TAF1B: variants seen among roughly 807,000 people sequenced by gnomAD.
TAF1B encodes the protein TATA box-binding protein-associated factor RNA polymerase I subunit B.
In TAF1B, 61 loss-of-function variants were observed where a neutral mutation model predicts 83.9. The ratio of observed to expected loss-of-function variants is 0.73; its 90% CI spans 0.59 to 0.90. The LOEUF (loss-of-function observed/expected upper bound fraction) is 0.90. TAF1B is among the 40% of genes least tolerant of loss of function. The pLI, the probability that TAF1B is intolerant of heterozygous loss-of-function variation, is 0.00. For synonymous variants in TAF1B, 221 were observed against 224.6 expected (o/e 0.98, Z 0.14); for missense variants, 625 against 677.0 (o/e 0.92, Z 0.85).
rs202101694 is a variant in TAF1B at position 9,913,163 on chromosome 2, G to A, written c.1185G>A (p.Lys395=). The A allele has an allele frequency of 1.6e-5, 26 of 1,605,414 alleles. No individual in the cohort carries two copies. The East Asian group carries it at 4.2e-4, about 26-fold the overall frequency. ...CTTGGATTTTATTTCTTTCAGATAA[G>A]CCATGGTTTGATTTCAGAAAGTGGT... ...EKHNEKNKKD[K]PWFDFRKWYQ... is the part of the protein sequence containing the mutation. Residue 395 remains lysine, a synonymous_variant, in exon 12 of 15, where the codon AAG becomes AAA. Transcript: ENST00000263663.
intron 2 of TAF1B, among the ~76,000 whole-genome samples, chr2:9,846,666 C>T (rs1043700725): frequency 1.3e-5 from 2 of 152,214 alleles, no homozygotes; most frequent in African/African-American, 4.8e-5. Context: ...AGGTGTGTCA[C>T]ACAAGTGCTT....
chr2:9,884,886 C>G (rs956538663), intron 8 of TAF1B, among the ~76,000 whole-genome samples: 1 of 152,068 alleles, frequency 6.6e-6, no homozygotes, highest in Non-Finnish European at 1.5e-5. Context: ...GCTTCCCACT[C>G]TAAATCATTC....
chr2:9,924,366 G>C (rs1384795260), intron 14 of TAF1B, among the ~76,000 whole-genome samples: 2 of 152,192 alleles, frequency 1.3e-5, no homozygotes, highest in Non-Finnish European at 2.9e-5. Flanking sequence ...AGAAACAAAA[G>C]GAGAGGTCTG....
At chr2:9,854,600 G>GT (rs1169632575) in intron 5 of TAF1B, among the ~76,000 whole-genome samples, 179 bp downstream of exon 5, 1 of 152,086 alleles carries the variant, frequency 6.6e-6, no homozygotes, top group African/African-American at 2.4e-5. Context: ...TTGGAATAAA[G>GT]TTTTTTCTTC....
At chr2:9,910,552 C>T (rs1175256688) in intron 9 of TAF1B, among the ~76,000 whole-genome samples, 184 bp from the exon 10 acceptor site, 1 of 152,076 alleles carries the variant, frequency 6.6e-6, no homozygotes, top group African/African-American at 2.4e-5. Flanking sequence ...AATGATACGC[C>T]GTTTTAAGAT....
chr2:9,919,998 A>G (rs919603767), intron 14 of TAF1B, among the ~76,000 whole-genome samples, 178 bp downstream of exon 14: 10 of 152,234 alleles, frequency 6.6e-5, no homozygotes, highest in Admixed American at 5.9e-4. Flanking sequence ...AAGAGGATAC[A>G]GGGCAATTAG....
intron 1 of TAF1B, chr2:9,843,773 A>G (rs1572204005): frequency 2.0e-6 from 1 of 512,294 alleles, no homozygotes; most frequent in Non-Finnish European, 3.4e-6. Context: ...TGGCTCGGCG[A>G]GGTTGTGGGG....
intron 5 of TAF1B, among the ~76,000 whole-genome samples, chr2:9,857,175 G>A (rs1663591256): frequency 6.6e-6 from 1 of 152,156 alleles, no homozygotes; most frequent in African/African-American, 2.4e-5. Flanking sequence ...GGGATATCTA[G>A]GGCAAGAAAT....
At chr2:9,872,806 G>A (rs534585184) in intron 6 of TAF1B, among the ~76,000 whole-genome samples, 1 of 152,182 alleles carries the variant, frequency 6.6e-6, no homozygotes, top group African/African-American at 2.4e-5. Context: ...ATTTAAAACC[G>A]ATGGTCCTTA....
chr2:9,895,813 C>CTTT (rs34044860), intron 8 of TAF1B, among the ~76,000 whole-genome samples: 19,826 of 112,034 alleles, frequency 0.18, 2,197 homozygotes, highest in Non-Finnish European at 0.26. Context: ...GCACTGCACT[C>CTTT]TTTTTTTTTT....
At chr2:9,920,813 A>G (rs1665856138) in intron 14 of TAF1B, among the ~76,000 whole-genome samples, 1 of 152,170 alleles carries the variant, frequency 6.6e-6, no homozygotes, top group South Asian at 2.1e-4. Context: ...AAGTCTAGAA[A>G]ACAACACGCG....
chr2:9,843,444 C>A (rs954199892), upstream of TAF1B: 2 of 1,400,392 alleles, frequency 1.4e-6, no homozygotes, highest in Admixed American at 2.5e-5. Context: ...AGGCGCGGAT[C>A]TCGCGTTTCC....
At chr2:9,921,122 T>C (rs1665865268) in intron 14 of TAF1B, among the ~76,000 whole-genome samples, 1 of 152,200 alleles carries the variant, frequency 6.6e-6, no homozygotes, top group Non-Finnish European at 1.5e-5. Context: ...TATGAGGTCT[T>C]GCTGTGTCAC....
rs1665618266 is a variant in TAF1B, at chr2:9,914,348, G to C, written c.1271+1099G>C. Among the ~76,000 whole-genome samples the C allele has an allele frequency of 6.6e-6, 1 of 152,196 alleles. No individual in the cohort carries two copies. Among genetic ancestry groups the C allele is most frequent in the East Asian group, 1.9e-4 (1 of 5,184 alleles). ...TCCCTGCCTCCTCATCAGAGAAGGA[G>C]TGACTCTTCAGTCAGTGGCTCTCAG... On this transcript the variant is annotated intron_variant, in intron 12 of 14. Transcript: ENST00000263663. This position sits in a 1 kb window ranked among gnomAD's most constrained non-coding sequence, Gnocchi z 4.3.
chr2:9,849,298 C>G lies in TAF1B; in HGVS notation c.118-75C>G. 2.5e-6 allele frequency: 3 copies of G among 1,192,286 alleles called. No individual in the cohort carries two copies. The South Asian group carries it at 4.5e-5, about 18-fold the overall frequency. 73.9% of individuals were successfully genotyped at this position (1,192,286 alleles called of 1,614,324 possible). ...CTCACAATTTGGTTTATTATACTTTCCAGAAAATACCTGGAAAAATGCTTA... is the reference window on the plus strand; with the variant it reads ...CTCACAATTTGGTTTATTATACTTTGCAGAAAATACCTGGAAAAATGCTTA... On this transcript the variant is annotated intron_variant, in intron 2 of 14. Transcript: ENST00000263663.
At chr2:9,925,785 C>G (rs989492972) in intron 14 of TAF1B, among the ~76,000 whole-genome samples, 13 of 152,166 alleles carry the variant, frequency 8.5e-5, no homozygotes, top group Non-Finnish European at 1.8e-4. Context: ...TCATGTTAGT[C>G]AGGCTGGTCT....
chr2:9,919,801 A>G lies in TAF1B; in HGVS notation c.1546A>G (p.Thr516Ala), dbSNP rs1462611310. 3.1e-6 allele frequency: 5 copies of G among 1,614,046 alleles called. No homozygotes were observed. Among genetic ancestry groups the G allele is most frequent in the Non-Finnish European group, 3.4e-6 (4 of 1,179,922 alleles). ...TAAGAATTCATTATATTGGCTTAGT[A>G]CACAGAAATTCTGCAGATGGTAATA... ...LTKNSLYWLSTQKFCRCYCTH... is the reference protein window; with the variant it reads ...LTKNSLYWLSAQKFCRCYCTH... Residue 516 changes from threonine to alanine, a missense_variant, in exon 14 of 15, where the codon ACA becomes GCA. Transcript: ENST00000263663.
chr2:9,880,189 C>T (rs1176142202), intron 7 of TAF1B, among the ~76,000 whole-genome samples: 2 of 152,050 alleles, frequency 1.3e-5, no homozygotes, highest in East Asian at 1.9e-4. Flanking sequence ...TGATCTGAGA[C>T]AAAGGATGAG....
At chr2:9,902,825 A>C (rs1482251132) in intron 8 of TAF1B, among the ~76,000 whole-genome samples, 1 of 152,116 alleles carries the variant, frequency 6.6e-6, no homozygotes, top group Non-Finnish European at 1.5e-5. Context: ...TGCAAAATGG[A>C]TTTTCAAAAT....
Sources: gnomAD v4.1 joint callset for allele counts (sites outside exome capture counted in the v4.1 genomes callset) on GRCh38, gnomAD v4.1.1 for gene constraint, Gnocchi (gnomAD v3.1) non-coding constraint, MANE v1.5 for transcripts, NCBI Gene and HGNC (gene_info 2026-07-23, HGNC 2026-07-21) for gene names.